CSGALNACT1: variants seen among roughly 807,000 people sequenced by gnomAD.
CSGALNACT1 encodes beta4GalNAcT-1.
CSGALNACT1 carries 52 observed loss-of-function variants against 51.0 expected under a neutral mutation model. The ratio of observed to expected loss-of-function variants is 1.02; its 90% CI spans 0.82 to 1.29. The LOEUF (loss-of-function observed/expected upper bound fraction) is 1.29, where lower values mean the gene tolerates loss of function less well. CSGALNACT1 is among the 50% of genes most tolerant of loss of function. The pLI is 0.00. For synonymous variants in CSGALNACT1, 341 were observed against 254.4 expected (o/e 1.34, Z -3.24); for missense variants, 935 against 679.2 (o/e 1.38, Z -4.19).
intron 1 of CSGALNACT1, among the ~76,000 whole-genome samples, chr8:19,736,769 G>A (rs1282600790): frequency 6.6e-6 from 1 of 152,126 alleles, no homozygotes; most frequent in Non-Finnish European, 1.5e-5. Context: ...AAGGAACAGA[G>A]AGGAACTCTA....
intron 3 of CSGALNACT1, among the ~76,000 whole-genome samples, chr8:19,578,360 C>T (rs766941023): frequency 4.6e-5 from 7 of 152,218 alleles, no homozygotes; most frequent in Non-Finnish European, 5.9e-5. Flanking sequence ...ACTTTGTGTA[C>T]ATCCTTCCTG....
At chr8:19,531,803 G>C (rs2082820361) in intron 3 of CSGALNACT1, 2 of 152,244 alleles carry the variant, frequency 1.3e-5, no homozygotes, top group Admixed American at 6.5e-5. Context: ...ATCATAGCCT[G>C]TTCTGCTCTA....
intron 1 of CSGALNACT1, among the ~76,000 whole-genome samples, chr8:19,692,615 T>A (rs1222143823): frequency 6.6e-6 from 1 of 152,212 alleles, no homozygotes; most frequent in Non-Finnish European, 1.5e-5. Flanking sequence ...GGCTGTTGCT[T>A]CTGTGGCCAT....
intron 1 of CSGALNACT1, among the ~76,000 whole-genome samples, chr8:19,623,693 T>A (rs895353792): frequency 6.6e-6 from 1 of 152,068 alleles, no homozygotes; most frequent in African/African-American, 2.4e-5. Context: ...GACTGGAAAA[T>A]CCCCAGGTGT....
chr8:19,444,716 C>T (rs933670357), intron 5 of CSGALNACT1, among the ~76,000 whole-genome samples: 3 of 152,180 alleles, frequency 2.0e-5, no homozygotes, highest in Non-Finnish European at 2.9e-5. Context: ...GATAAATCCA[C>T]AGCAATAGAA....
chr8:19,524,501 G>T (rs900750110), intron 3 of CSGALNACT1, among the ~76,000 whole-genome samples: 2 of 151,824 alleles, frequency 1.3e-5, no homozygotes, highest in African/African-American at 4.8e-5. Context: ...ATTTCCCAGG[G>T]CAAGGTGAAA....
At chr8:19,577,976 A>T (rs372172622) in intron 3 of CSGALNACT1, among the ~76,000 whole-genome samples, 7 of 152,302 alleles carry the variant, frequency 4.6e-5, no homozygotes, top group African/African-American at 1.7e-4. Flanking sequence ...ATGCGGAATA[A>T]CTGGATCCCA....
At chr8:19,639,865 AGTTTT>A (rs779472461) in intron 1 of CSGALNACT1, among the ~76,000 whole-genome samples, 62 of 151,988 alleles carry the variant, frequency 4.1e-4, no homozygotes, top group South Asian at 6.2e-4. Context: ...TTTTAAGAAC[AGTTTT>A]GTTTTGTTTT....
intron 4 of CSGALNACT1, among the ~76,000 whole-genome samples, chr8:19,504,252 A>G (rs1181912120): frequency 1.3e-5 from 2 of 151,908 alleles, no homozygotes; most frequent in Non-Finnish European, 2.9e-5. Flanking sequence ...AATTTTTTGT[A>G]TTTTTAGTAG....
At chr8:19,503,879 C>T (rs974655293) in intron 4 of CSGALNACT1, among the ~76,000 whole-genome samples, 1 of 151,466 alleles carries the variant, frequency 6.6e-6, no homozygotes, top group Non-Finnish European at 1.5e-5. Context: ...AAAATTGCAT[C>T]AACTTATGGT....
chr8:19,541,553 A>ATTTTTTTTTTTTTTTTTTTTTT lies in CSGALNACT1; in HGVS notation c.-296-35445_-296-35424dup, dbSNP rs1159626193. On this transcript the variant is annotated intron_variant, in intron 3 of 9. Transcript: ENST00000454498. ...AGGTGTGAGCCACCGTGCTCAGCCA[A>ATTTTTTTTTTTTTTTTTTTTTT]TTTTTTTTTTTTTTTTTTTTTTTTT... is the stretch of plus-strand genomic sequence containing the variant. Among the ~76,000 whole-genome samples the ATTTTTTTTTTTTTTTTTTTTTT allele has an allele frequency of 7.6e-4, 53 of 70,094 alleles. 8 individuals carry two copies. Among genetic ancestry groups the ATTTTTTTTTTTTTTTTTTTTTT allele is most frequent in the South Asian group, 1.2e-3 (2 of 1,650 alleles). The allele number at this position is 70,094 out of a possible 152,430, so 46.0% of individuals were successfully genotyped here. A position where few individuals can be genotyped will look rare whatever the true frequency, so the allele number is the denominator to read the frequency against.
intron 3 of CSGALNACT1, among the ~76,000 whole-genome samples, chr8:19,535,736 A>T (rs1325252016): frequency 2.0e-5 from 3 of 152,192 alleles, no homozygotes; most frequent in Non-Finnish European, 4.4e-5. Flanking sequence ...AAATCACATG[A>T]TCTTATCAAC....
chr8:19,505,474 G>A (rs1587435729), exon 4 of CSGALNACT1: 1 of 1,614,192 alleles, frequency 6.2e-7, no homozygotes, highest in African/African-American at 1.3e-5. Flanking sequence ...AGGAAGGCCA[G>A]GAGGTCGGCC....
chr8:19,755,278 C>T (rs1353498318), intron 1 of CSGALNACT1, among the ~76,000 whole-genome samples: 1 of 151,816 alleles, frequency 6.6e-6, no homozygotes, highest in Non-Finnish European at 1.5e-5. Context: ...TGAAGTATTG[C>T]CCCAAAGTTT....
At position 19,418,647 on chromosome 8, in the gene CSGALNACT1, A is replaced by C. The variant is rs536632167; in HGVS notation, c.1227+9T>G. 3.0e-4 allele frequency: 477 copies of C among 1,588,394 alleles called. 4 individuals are homozygous for C. In the South Asian group the frequency reaches 5.1e-3, roughly 17 times the overall value. On this transcript the variant is annotated intron_variant, in intron 8 of 9. Coordinates refer to ENST00000454498, the Ensembl canonical transcript of CSGALNACT1. ...GCCACACAGAGCCATCTGCAGGGTA[A>C]TTACTCACCAGCTGCTGTTCCAAGG...
At chr8:19,460,121 A>G (rs752600798) in intron 4 of CSGALNACT1, among the ~76,000 whole-genome samples, 6 of 152,064 alleles carry the variant, frequency 3.9e-5, no homozygotes, top group Admixed American at 1.3e-4. Flanking sequence ...ACACACACAC[A>G]CATTACAAAG....
chr8:19,496,885 T>C (rs1241914691), intron 4 of CSGALNACT1, among the ~76,000 whole-genome samples: 2 of 152,068 alleles, frequency 1.3e-5, no homozygotes, highest in African/African-American at 4.8e-5. Flanking sequence ...CTAATAAAAA[T>C]GATCAGAAAG....
At chr8:19,515,007 T>C (rs578133169) in intron 3 of CSGALNACT1, among the ~76,000 whole-genome samples, 1 of 152,286 alleles carries the variant, frequency 6.6e-6, no homozygotes, top group Non-Finnish European at 1.5e-5. Context: ...GTTGATCTTC[T>C]GACTGCATTA....
intron 1 of CSGALNACT1, among the ~76,000 whole-genome samples, chr8:19,675,079 T>C (rs1230622692): frequency 1.3e-5 from 2 of 152,130 alleles, no homozygotes; most frequent in African/African-American, 2.4e-5. Flanking sequence ...AAAAGTCTGG[T>C]GAGAGGTCCA....
Sources: allele counts gnomAD v4.1 joint callset (sites outside exome capture counted in the v4.1 genomes callset), GRCh38; gene constraint gnomAD v4.1.1; transcripts MANE v1.5; gene names NCBI Gene and HGNC (gene_info 2026-07-23, HGNC 2026-07-21).